TTC6: variants seen among roughly 807,000 people sequenced by gnomAD.
TTC6 encodes the protein tetratricopeptide repeat domain 6, also known as tetratricopeptide repeat protein 6.
Under a neutral mutation model 210.4 loss-of-function variants are expected in TTC6, and 172 were observed. The observed-to-expected ratio is 0.82, with a 90% CI of 0.72 to 0.93. The LOEUF (loss-of-function observed/expected upper bound fraction) is 0.93, where lower values mean the gene tolerates loss of function less well. TTC6 is among the 40% of genes least tolerant of loss of function. The probability of loss-of-function intolerance (pLI) is 0.00; values close to 1 mark genes in which losing one functional copy is unlikely to be tolerated. For synonymous variants in TTC6, 804 were observed against 819.6 expected (o/e 0.98, Z 0.32); for missense variants, 2,414 against 2,318.1 (o/e 1.04, Z -0.85).
At chr14:37,726,502 C>G (rs370063358) in intron 7 of TTC6, among the ~76,000 whole-genome samples, 1 of 152,032 alleles carries the variant, frequency 6.6e-6, no homozygotes, top group East Asian at 1.9e-4. Flanking sequence ...ATGTTGAATT[C>G]TGTTAGGCCA....
At chr14:37,619,690 TAGC>T (rs955657696), upstream of TTC6, among the ~76,000 whole-genome samples, 3 of 152,288 alleles carry the variant, frequency 2.0e-5, no homozygotes, top group African/African-American at 7.2e-5. Flanking sequence ...CTATTGATTT[TAGC>T]AGCAGTTTTT....
intron 1 of TTC6, among the ~76,000 whole-genome samples, chr14:37,655,783 A>G (rs1349970467): frequency 6.6e-6 from 1 of 152,140 alleles, no homozygotes; most frequent in Non-Finnish European, 1.5e-5. Context: ...GGACATTAAT[A>G]GGGGTCTTTG....
chr14:37,650,567 G>C (rs2095709423), intron 1 of TTC6, among the ~76,000 whole-genome samples: 1 of 152,170 alleles, frequency 6.6e-6, no homozygotes, highest in Admixed American at 6.5e-5. Flanking sequence ...GAAAGTGTGT[G>C]AGCTTCCTCT....
intron 13 of TTC6, among the ~76,000 whole-genome samples, chr14:37,751,474 AG>A (rs1401803917): frequency 1.3e-5 from 2 of 152,168 alleles, no homozygotes; most frequent in Non-Finnish European, 2.9e-5. Context: ...GATAACATGT[AG>A]GGGGCCCAGC....
exon 31 of TTC6, chr14:37,842,180 T>A (rs1421558524): frequency 6.2e-7 from 1 of 1,603,370 alleles, no homozygotes; most frequent in African/African-American, 1.3e-5. Flanking sequence ...CTAATGATGC[T>A]CTAGTATATA....
intron 1 of TTC6, among the ~76,000 whole-genome samples, chr14:37,662,873 CT>C (rs1280019883): frequency 6.6e-6 from 1 of 152,044 alleles, no homozygotes; most frequent in East Asian, 1.9e-4. Context: ...TATTTGGGCT[CT>C]TTTTTGGTTC....
At chr14:37,739,643 T>A (rs2095912665) in intron 10 of TTC6, among the ~76,000 whole-genome samples, 1 of 151,328 alleles carries the variant, frequency 6.6e-6, no homozygotes. Context: ...TATAAGTATG[T>A]GAATGATTCA....
intron 24 of TTC6, 25 bp downstream of exon 26, chr14:37,808,871 A>G (rs1173088377): frequency 1.7e-6 from 2 of 1,211,844 alleles, no homozygotes; most frequent in Admixed American, 2.2e-5. Flanking sequence ...TTAGTAAACA[A>G]TGTGTTTAAA....
intron 29 of TTC6, chr14:37,827,918 T>G (rs2096176064): frequency 6.6e-6 from 1 of 152,404 alleles, no homozygotes; most frequent in Admixed American, 6.6e-5. Flanking sequence ...GTAAACATCC[T>G]TTTGGACTTC....
intron 7 of TTC6, among the ~76,000 whole-genome samples, chr14:37,732,784 ATT>A (rs71127234): frequency 6.6e-6 from 1 of 150,996 alleles, no homozygotes. Context: ...CGCCCAGCTA[ATT>A]TTTTTGTACT....
chr14:37,614,507 A>T (rs1376662939), intron 2 of TTC6, among the ~76,000 whole-genome samples: 1 of 152,152 alleles, frequency 6.6e-6, no homozygotes, highest in Non-Finnish European at 1.5e-5. Context: ...TCATGCACTT[A>T]CTCAGACATT....
rs1005333236 is a variant in TTC6 at position 37,606,696 on chromosome 14, T to C, written c.-201T>C. ...TTTCCTGTATGCCATCTGTTTTCTG[T>C]GGGGCCCTGAGTGATGAGGAGAGGA... On this transcript the variant is annotated 5_prime_UTR_variant, in exon 2 of 3. Transcript: ENST00000556845. 6 of 984,796 alleles carry C rather than the reference T, an allele frequency of 6.1e-6. No homozygotes were observed. In the East Asian group the frequency reaches 4.5e-4, roughly 74 times the overall value. 61.0% of individuals were successfully genotyped at this position (984,796 alleles called of 1,614,324 possible).
upstream of TTC6, among the ~76,000 whole-genome samples, chr14:37,621,329 G>A (rs1327010220): frequency 2.0e-5 from 3 of 152,222 alleles, no homozygotes; most frequent in African/African-American, 7.2e-5. Flanking sequence ...GTGGAAGTAA[G>A]CCAGACATGG....
intron 4 of TTC6, among the ~76,000 whole-genome samples, chr14:37,700,469 G>A (rs763044550): frequency 2.0e-5 from 3 of 152,042 alleles, no homozygotes; most frequent in Non-Finnish European, 4.4e-5. Context: ...TTGGCTAGGC[G>A]CAGTGGCTCA....
At chr14:37,625,286 G>A (rs1176610996) in intron 1 of TTC6, among the ~76,000 whole-genome samples, 1 of 152,048 alleles carries the variant, frequency 6.6e-6, no homozygotes, top group Non-Finnish European at 1.5e-5. Context: ...GGTGGCTCAC[G>A]CTTGTAATCC....
At chr14:37,805,350 A>G (rs2096115837) in intron 21 of TTC6, among the ~76,000 whole-genome samples, 1 of 151,994 alleles carries the variant, frequency 6.6e-6, no homozygotes, top group African/African-American at 2.4e-5. Flanking sequence ...CACTGATATG[A>G]CAAATATGTA....
At chr14:37,810,766 C>G (rs1213903093) in intron 24 of TTC6, among the ~76,000 whole-genome samples, 2 of 152,194 alleles carry the variant, frequency 1.3e-5, no homozygotes, top group African/African-American at 2.4e-5. Flanking sequence ...TGCACTTAGG[C>G]ATTCTCCCAA....
At chr14:37,739,265 A>T in intron 10 of TTC6, 110 bp downstream of exon 12, 1 of 1,120,780 alleles carries the variant, frequency 8.9e-7, no homozygotes, top group South Asian at 1.9e-5. Context: ...TGAACATATG[A>T]ACCTTTCACT....
intron 16 of TTC6, among the ~76,000 whole-genome samples, chr14:37,791,328 T>C (rs2096078753): frequency 6.6e-6 from 1 of 152,174 alleles, no homozygotes; most frequent in Admixed American, 6.5e-5. Context: ...AGACCATATG[T>C]TCAGGGAGAA....
Sources: allele counts gnomAD v4.1 joint callset (sites outside exome capture counted in the v4.1 genomes callset), GRCh38; gene constraint gnomAD v4.1.1; transcripts MANE v1.5; gene names NCBI Gene and HGNC (gene_info 2026-07-23, HGNC 2026-07-21).